The following TMEM132B variants were observed in gnomAD, a reference collection of about 807,000 sequenced individuals.
TMEM132B encodes the protein transmembrane protein 132B.
A neutral mutation model predicts 90.8 loss-of-function variants in TMEM132B; 18 were observed. The ratio of observed to expected loss-of-function variants is 0.20; its 90% confidence interval spans 0.14 to 0.29. The LOEUF (loss-of-function observed/expected upper bound fraction) is 0.29, where lower values mean the gene tolerates loss of function less well. Ranked by LOEUF, TMEM132B falls within the 10% of genes least tolerant of loss-of-function variation. The pLI is 1.00. For synonymous variants in TMEM132B, 504 were observed against 523.3 expected (o/e 0.96, Z 0.50); for missense variants, 1,096 against 1,326.8 (o/e 0.83, Z 2.70).
At chr12:125,331,316 G>T (rs1048072025) in intron 1 of TMEM132B, among the ~76,000 whole-genome samples, 2 of 152,222 alleles carry the variant, frequency 1.3e-5, no homozygotes, top group Admixed American at 1.3e-4. Flanking sequence ...AGGGGACTGA[G>T]GCTTTGTATT....
At chr12:125,199,255 C>T (rs1873000313) in intron 1 of TMEM132B, among the ~76,000 whole-genome samples, 1 of 152,032 alleles carries the variant, frequency 6.6e-6, no homozygotes, top group Admixed American at 6.6e-5. Flanking sequence ...ACCTTACTGA[C>T]CTCAATGAGG....
chr12:125,371,399 G>A (rs745973603), intron 2 of TMEM132B, among the ~76,000 whole-genome samples: 46 of 152,176 alleles, frequency 3.0e-4, no homozygotes, highest in Middle Eastern at 3.2e-3. Flanking sequence ...GAGGGCATCC[G>A]AGGGACCCGG....
intron 4 of TMEM132B, among the ~76,000 whole-genome samples, chr12:125,531,471 G>A (rs917141102): frequency 2.0e-5 from 3 of 152,184 alleles, no homozygotes; most frequent in East Asian, 1.9e-4. Flanking sequence ...TTACAGGAGC[G>A]AGCCACTGTG....
At chr12:125,435,705 G>A (rs1444124902) in intron 3 of TMEM132B, among the ~76,000 whole-genome samples, 1 of 152,218 alleles carries the variant, frequency 6.6e-6, no homozygotes, top group African/African-American at 2.4e-5. Flanking sequence ...TAAAGCAGGA[G>A]ATAAGAATGG....
chr12:125,336,808 C>T (rs542566498), intron 1 of TMEM132B, among the ~76,000 whole-genome samples: 1 of 152,348 alleles, frequency 6.6e-6, no homozygotes, highest in Non-Finnish European at 1.5e-5. Flanking sequence ...CCCGGGGCTC[C>T]AGCCCAGGTG....
At chr12:125,510,831 T>TA (rs1488162173) in intron 3 of TMEM132B, among the ~76,000 whole-genome samples, 2 of 152,228 alleles carry the variant, frequency 1.3e-5, no homozygotes, top group Non-Finnish European at 2.9e-5. Flanking sequence ...CTAATTTTTA[T>TA]AAAAAGTATT....
rs544766099 is a variant in TMEM132B at position 125,248,907 on chromosome 12, G to A, written c.67+62041G>A. ...GTCATCTCCATCAGTCTTCTTCCTG[G>A]GGAACCCAACCTGTGACACCTTCCT... On this transcript the variant is annotated intron_variant, in intron 1 of 8. Transcript: ENST00000682704. Among the ~76,000 whole-genome samples the A allele has an allele frequency of 2.0e-5, 3 of 152,226 alleles. No individual in the cohort carries two copies. In the South Asian group the frequency reaches 6.2e-4, roughly 32 times the overall value.
chr12:125,593,876 T>G (rs1193705270), intron 5 of TMEM132B, among the ~76,000 whole-genome samples: 1 of 152,230 alleles, frequency 6.6e-6, no homozygotes, highest in Non-Finnish European at 1.5e-5. Context: ...TACTGCCACC[T>G]CTACTATTTT....
rs146338756 is a variant in TMEM132B at position 125,413,994 on chromosome 12, C to T, written c.960-1537C>T. Among the ~76,000 whole-genome samples, 203 of 152,300 alleles carry T rather than the reference C, an allele frequency of 1.3e-3. 2 individuals carry two copies. Among genetic ancestry groups the T allele is most frequent in the African/African-American group, 4.8e-3 (199 of 41,562 alleles). ...GGGTTCCAATTTCTCTACATCCTCA[C>T]CAGCACTTAGTATCTGTCTTTTTTA... is the stretch of plus-strand genomic sequence containing the variant. On this transcript the variant is annotated intron_variant, in intron 2 of 8. Coordinates refer to ENST00000682704, the MANE Select transcript of TMEM132B (RefSeq NM_001366854.1).
chr12:125,565,536 C>T (rs1247043119), intron 4 of TMEM132B, among the ~76,000 whole-genome samples: 1 of 152,182 alleles, frequency 6.6e-6, no homozygotes, highest in Non-Finnish European at 1.5e-5. Context: ...AATCAGGTCA[C>T]ACATGGACTT....
chr12:125,422,801 G>A (rs956332174), intron 3 of TMEM132B, among the ~76,000 whole-genome samples: 1 of 152,174 alleles, frequency 6.6e-6, no homozygotes, highest in Non-Finnish European at 1.5e-5. Context: ...GTGAGACACT[G>A]ATTGTCCCCT....
chr12:125,294,310 T>A lies in TMEM132B; in HGVS notation c.68-55142T>A, dbSNP rs146045899. ...AGGCATGCTTGCATTGCTGGCAATA[T>A]TGGTTAGATGCAACAAGCCAGACCT... is the stretch of plus-strand genomic sequence containing the variant. On this transcript the variant is annotated intron_variant, in intron 1 of 8. Transcript: ENST00000682704. 1.2e-4 allele frequency among the ~76,000 whole-genome samples: 18 copies of A among 152,382 alleles called. No homozygotes were observed. In the East Asian group the frequency reaches 3.3e-3, roughly 28 times the overall value.
intron 2 of TMEM132B, among the ~76,000 whole-genome samples, chr12:125,367,963 T>G (rs977043901): frequency 6.6e-6 from 1 of 152,200 alleles, no homozygotes; most frequent in Non-Finnish European, 1.5e-5. Flanking sequence ...ATATTAGTAT[T>G]TGATTTTAAT....
chr12:125,252,221 C>A (rs1344972102), intron 1 of TMEM132B, among the ~76,000 whole-genome samples: 2 of 152,218 alleles, frequency 1.3e-5, no homozygotes, highest in African/African-American at 4.8e-5. Flanking sequence ...TCAGGAAGGG[C>A]CCGGAGGAGG....
intron 1 of TMEM132B, chr12:125,327,585 G>A (rs1876625284): frequency 6.6e-6 from 1 of 152,214 alleles, no homozygotes; most frequent in South Asian, 2.1e-4. Flanking sequence ...GTTGCATGCG[G>A]GGGACGTCTC....
At chr12:125,599,856 A>G (rs1042254971) in intron 5 of TMEM132B, among the ~76,000 whole-genome samples, 1 of 152,078 alleles carries the variant, frequency 6.6e-6, no homozygotes, top group African/African-American at 2.4e-5. Context: ...AGTGGGGAAA[A>G]CTTACTTTTG....
intron 5 of TMEM132B, among the ~76,000 whole-genome samples, chr12:125,633,077 A>G (rs1566095419): frequency 6.6e-6 from 1 of 151,940 alleles, no homozygotes; most frequent in African/African-American, 2.4e-5. Flanking sequence ...AAGAAAATAG[A>G]TTTTGTAGGT....
At chr12:125,326,451 A>T in intron 1 of TMEM132B, 3 of 734,702 alleles carry the variant, frequency 4.1e-6, no homozygotes, top group Non-Finnish European at 7.0e-6. Context: ...AATGAAGACA[A>T]TATGAGCTCA....
chr12:125,467,514 A>G (rs111414371), intron 3 of TMEM132B, among the ~76,000 whole-genome samples: 156 of 152,262 alleles, frequency 1.0e-3, no homozygotes, highest in African/African-American at 3.5e-3. Context: ...GAAATGAGAT[A>G]TGCTTATTGG....
Sources: allele counts gnomAD v4.1 joint callset (sites outside exome capture counted in the v4.1 genomes callset), GRCh38; gene constraint gnomAD v4.1.1; transcripts MANE v1.5; gene names NCBI Gene and HGNC (gene_info 2026-07-23, HGNC 2026-07-21).